Variants in KIAA1328 observed in about 807,000 individuals in gnomAD.
The protein encoded by KIAA1328 is KIAA1328.
A neutral mutation model predicts 68.1 loss-of-function variants in KIAA1328; 52 were observed. That is an observed-to-expected ratio of 0.76 (90% confidence interval 0.61 to 0.96). The LOEUF is 0.96. Among genes scored for constraint, KIAA1328 ranks in the 40% least tolerant of loss-of-function variants. The probability of loss-of-function intolerance (pLI) is 0.00; values close to 1 mark genes in which losing one functional copy is unlikely to be tolerated. For synonymous variants in KIAA1328, 232 were observed against 239.4 expected, an observed-to-expected ratio of 0.97 and a Z score of 0.28; for missense variants, 641 against 677.6, an observed-to-expected ratio of 0.95 and a Z score of 0.60.
At chr18:36,894,173 T>TGAAC (rs1315830322) in intron 5 of KIAA1328, among the ~76,000 whole-genome samples, 1 of 152,176 alleles carries the variant, frequency 6.6e-6, no homozygotes, top group Non-Finnish European at 1.5e-5. Flanking sequence ...TCTGTAGCAG[T>TGAAC]GAACGATACA....
intron 8 of KIAA1328, among the ~76,000 whole-genome samples, chr18:37,172,431 G>A (rs1032818881): frequency 2.0e-5 from 3 of 152,172 alleles, no homozygotes; most frequent in Non-Finnish European, 4.4e-5. Context: ...GGCAGTTCCT[G>A]GGAGGATAAA....
chr18:37,067,469 C>T lies in KIAA1328; in HGVS notation c.1156C>T (p.His386Tyr), dbSNP rs1336010518. 1.3e-6 allele frequency: 2 copies of T among 1,559,706 alleles called. No individual in the cohort carries two copies. Among genetic ancestry groups the T allele is most frequent in the South Asian group, 2.4e-5 (2 of 84,978 alleles). Reference sequence around the variant, plus strand: ...GGAAATTGAAAAGGAGCGCCTTCAGCATCTGCTGGCCCAGCAGGAGACAAA... The same window carrying T: ...GGAAATTGAAAAGGAGCGCCTTCAGTATCTGCTGGCCCAGCAGGAGACAAA... ...ELEIEKERLQ[H>Y]LLAQQETKLL... is the part of the protein sequence containing the mutation. The change falls in exon 7 of 10, where the codon CAT becomes TAT. Residue 386 changes from histidine to tyrosine, a missense_variant. Transcript: ENST00000280020.
chr18:37,090,115 A>C (rs1347524150), intron 7 of KIAA1328, among the ~76,000 whole-genome samples: 1 of 152,218 alleles, frequency 6.6e-6, no homozygotes, highest in Non-Finnish European at 1.5e-5. Flanking sequence ...AATTGCAATT[A>C]GATTTTGGTA....
intron 6 of KIAA1328, among the ~76,000 whole-genome samples, chr18:37,026,400 G>A (rs1417185971): frequency 2.0e-5 from 3 of 152,052 alleles, no homozygotes; most frequent in Non-Finnish European, 2.9e-5. Context: ...TGATACCAAA[G>A]CCTGGCAGAG....
At chr18:36,909,197 T>C (rs902568471) in intron 5 of KIAA1328, among the ~76,000 whole-genome samples, 2 of 152,154 alleles carry the variant, frequency 1.3e-5, no homozygotes, top group African/African-American at 2.4e-5. Flanking sequence ...GTTTGTTACA[T>C]ATGTATACAT....
At chr18:36,931,913 G>A (rs1225033231) in intron 5 of KIAA1328, among the ~76,000 whole-genome samples, 1 of 151,862 alleles carries the variant, frequency 6.6e-6, no homozygotes, top group African/African-American at 2.4e-5. Flanking sequence ...GAATGATTTT[G>A]CGCATAGAAT....
rs2057133896 is a variant in KIAA1328, at chr18:37,087,296, G to A, written c.1232+19751G>A. ...GCTTGTCTCAAACTCCTGGGCTCAAGTAATCTACCCGCCTCAGCTTCCCAA... is the reference window on the plus strand; with the variant it reads ...GCTTGTCTCAAACTCCTGGGCTCAAATAATCTACCCGCCTCAGCTTCCCAA... On this transcript the variant is annotated intron_variant, in intron 7 of 9. Transcript: ENST00000280020. 2.6e-5 allele frequency among the ~76,000 whole-genome samples: 4 copies of A among 152,024 alleles called. No homozygotes were observed. The South Asian group carries it at 8.3e-4, about 32-fold the overall frequency.
chr18:37,107,915 T>C (rs1332573960), intron 7 of KIAA1328, among the ~76,000 whole-genome samples: 2 of 150,274 alleles, frequency 1.3e-5, no homozygotes, highest in African/African-American at 4.9e-5. Context: ...ATGGAACACA[T>C]GTACACTGTT....
At chr18:36,953,270 T>G (rs2051241214) in intron 5 of KIAA1328, among the ~76,000 whole-genome samples, 1 of 147,360 alleles carries the variant, frequency 6.8e-6, no homozygotes, top group South Asian at 2.1e-4. Flanking sequence ...TAATAATATA[T>G]GCTATATAAA....
At chr18:36,889,355 C>T (rs1244142312) in intron 5 of KIAA1328, among the ~76,000 whole-genome samples, 5 of 152,136 alleles carry the variant, frequency 3.3e-5, no homozygotes, top group Non-Finnish European at 5.9e-5. Flanking sequence ...TAGTGTAAGA[C>T]ACAGAGGATG....
At chr18:36,866,500 A>G (rs1398771783) in intron 4 of KIAA1328, among the ~76,000 whole-genome samples, 1 of 152,172 alleles carries the variant, frequency 6.6e-6, no homozygotes, top group Non-Finnish European at 1.5e-5. Context: ...CAAATTTCAG[A>G]TGAGAAAAAA....
chr18:37,145,509 A>T (rs925057091), intron 7 of KIAA1328, among the ~76,000 whole-genome samples: 6 of 152,178 alleles, frequency 3.9e-5, no homozygotes, highest in Non-Finnish European at 8.8e-5. Context: ...TGCTGAATTC[A>T]GGGGGTTTAT....
At chr18:37,102,743 A>G (rs2057659949) in intron 7 of KIAA1328, among the ~76,000 whole-genome samples, 1 of 152,198 alleles carries the variant, frequency 6.6e-6, no homozygotes, top group Admixed American at 6.5e-5. Context: ...ATCAAGCAAG[A>G]GAAAGAAAGA....
intron 7 of KIAA1328, among the ~76,000 whole-genome samples, chr18:37,117,434 T>C (rs180709888): frequency 1.2e-3 from 188 of 152,162 alleles, no homozygotes; most frequent in African/African-American, 4.4e-3. Flanking sequence ...TAGGTGGGAA[T>C]TGAACAATGA....
At chr18:36,975,176 ATTT>A (rs751805080) in intron 6 of KIAA1328, among the ~76,000 whole-genome samples, 18 of 114,936 alleles carry the variant, frequency 1.6e-4, no homozygotes, top group Middle Eastern at 6.3e-3. Flanking sequence ...ACAAGCTACA[ATTT>A]TTTTTTTTTT....
intron 7 of KIAA1328, among the ~76,000 whole-genome samples, chr18:37,115,926 T>C (rs1438929935): frequency 6.6e-6 from 1 of 152,030 alleles, no homozygotes; most frequent in Admixed American, 6.5e-5. Context: ...TCAAAGAGAA[T>C]AAAATACCTA....
At chr18:37,063,642 CAG>C (rs1599129453) in intron 6 of KIAA1328, 1 of 985,300 alleles carries the variant, frequency 1.0e-6, no homozygotes, top group South Asian at 4.7e-5. Context: ...AGGTAATTGA[CAG>C]AGCATTGCTC....
intron 7 of KIAA1328, among the ~76,000 whole-genome samples, chr18:37,108,489 T>G (rs2057836811): frequency 6.6e-6 from 1 of 152,236 alleles, no homozygotes; most frequent in South Asian, 2.1e-4. Flanking sequence ...AATCTGCACA[T>G]GTACCTTCTG....
intron 4 of KIAA1328, among the ~76,000 whole-genome samples, chr18:36,860,947 TC>T (rs2047546287): frequency 6.6e-6 from 1 of 152,142 alleles, no homozygotes; most frequent in African/African-American, 2.4e-5. Flanking sequence ...TCTCTTCCCT[TC>T]CCCTAGCTTT....
Sources: gnomAD v4.1 joint callset for allele counts (sites outside exome capture counted in the v4.1 genomes callset) on GRCh38, gnomAD v4.1.1 for gene constraint, MANE v1.5 for transcripts, NCBI Gene and HGNC (gene_info 2026-07-23, HGNC 2026-07-21) for gene names.